The following ANKEF1 variants were observed in gnomAD, a reference collection of about 807,000 sequenced individuals.
ANKEF1 encodes the protein ankyrin repeat and EF-hand domain containing 1, also known as ankyrin repeat and EF-hand domain-containing protein 1.
ANKEF1 carries 43 observed loss-of-function variants against 65.1 expected under a neutral mutation model. The ratio of observed to expected loss-of-function variants is 0.66; its 90% CI spans 0.52 to 0.85. The LOEUF is 0.85. Among genes scored for constraint, ANKEF1 ranks in the 40% least tolerant of loss-of-function variants. The pLI, the probability that ANKEF1 is intolerant of heterozygous loss-of-function variation, is 0.00. For missense variants in ANKEF1, 934 were observed against 952.9 expected, an observed-to-expected ratio of 0.98 and a Z score of 0.26; for synonymous variants, 316 against 341.5, an observed-to-expected ratio of 0.93 and a Z score of 0.82.
Position 10,051,759 on chromosome 20 carries a change from T to C in ANKEF1, c.1740T>C (p.Ser580=), listed in dbSNP as rs1600523624. The change falls in exon 8 of 11, where the codon TCT becomes TCC. Residue 580 remains serine (S), a synonymous_variant. Transcript: ENST00000378392. ...ACATTGTTGAGCTTCTTGTTGAATC[T>C]GGAGCTTTAATAGATGCAGCTTCAA... ...QQDIVELLVE[S]GALIDAASIN... 1 of 1,613,886 alleles carries C rather than the reference T, an allele frequency of 6.2e-7. No individual in the cohort carries two copies. The highest frequency in any genetic ancestry group is 8.5e-7 in the Non-Finnish European group (1 of 1,179,872).
chr20:10,048,006 C>T (rs568412149), intron 6 of ANKEF1, among the ~76,000 whole-genome samples: 2 of 152,144 alleles, frequency 1.3e-5, no homozygotes, highest in African/African-American at 4.8e-5. Flanking sequence ...CAAAACCCCC[C>T]AGACACCCTG....
intron 2 of ANKEF1, among the ~76,000 whole-genome samples, chr20:10,036,383 A>G (rs1336750140): frequency 1.3e-5 from 2 of 149,970 alleles, no homozygotes; most frequent in Non-Finnish European, 2.9e-5. Context: ...ATACATATGC[A>G]GTATGATGAC....
At chr20:10,040,930 CTT>C (rs1242728687) in intron 3 of ANKEF1, among the ~76,000 whole-genome samples, 2 of 150,280 alleles carry the variant, frequency 1.3e-5, no homozygotes, top group East Asian at 3.9e-4. Context: ...TTGACTTTCT[CTT>C]TTCAATAATA....
intron 2 of ANKEF1, among the ~76,000 whole-genome samples, chr20:10,037,400 C>G (rs1486412927): frequency 1.3e-5 from 2 of 152,164 alleles, no homozygotes; most frequent in East Asian, 1.9e-4. Flanking sequence ...CCTCATAGTT[C>G]TGGATGATGG....
chr20:10,058,185 C>T lies in ANKEF1; in HGVS notation c.*2525C>T, dbSNP rs1286199888. ...TAACTGCATAAAATTAACTGTAGTA[C>T]ATACTGTACAACTGTAATAATTTCA... is the stretch of plus-strand genomic sequence containing the variant. On this transcript the variant is annotated 3_prime_UTR_variant, in exon 11 of 11. Coordinates refer to ENST00000378392, the MANE Select transcript of ANKEF1 (RefSeq NM_022096.6). 1 of 152,178 alleles carries T rather than the reference C, an allele frequency of 6.6e-6. No individual in the cohort carries two copies. The highest frequency in any genetic ancestry group is 1.5e-5 in the Non-Finnish European group (1 of 68,026). The allele number at this position is 152,178 out of a possible 1,614,324, so 9.4% of individuals were successfully genotyped here. A position where few individuals can be genotyped will look rare whatever the true frequency, so the allele number is the denominator to read the frequency against.
intron 2 of ANKEF1, among the ~76,000 whole-genome samples, 166 bp downstream of exon 2, chr20:10,035,808 C>A (rs918300310): frequency 6.6e-6 from 1 of 152,210 alleles, no homozygotes; most frequent in African/African-American, 2.4e-5. Context: ...CACAGCCCCC[C>A]TTTGAGAGTT....
intron 4 of ANKEF1, 58 bp downstream of exon 4, chr20:10,043,379 C>A: frequency 6.7e-7 from 1 of 1,499,930 alleles, no homozygotes; most frequent in Non-Finnish European, 9.2e-7. Context: ...ATAGTATAAT[C>A]TTTTCATTTA....
At chr20:10,037,640 A>C (rs966693477) in intron 2 of ANKEF1, among the ~76,000 whole-genome samples, 1 of 152,154 alleles carries the variant, frequency 6.6e-6, no homozygotes, top group Non-Finnish European at 1.5e-5. Flanking sequence ...ATGGCCTGCT[A>C]CTCAATCCAA....
intron 2 of ANKEF1, among the ~76,000 whole-genome samples, chr20:10,036,240 G>C (rs538853306): frequency 6.6e-6 from 1 of 152,220 alleles, no homozygotes; most frequent in Non-Finnish European, 1.5e-5. Flanking sequence ...TTCTCCGTTA[G>C]AGATGGGTGC....
At chr20:10,039,759 A>C (rs950631443) in intron 3 of ANKEF1, among the ~76,000 whole-genome samples, 2 of 152,196 alleles carry the variant, frequency 1.3e-5, no homozygotes, top group African/African-American at 4.8e-5. Flanking sequence ...CCACGGTCGC[A>C]TTCATTAGAG....
Position 10,044,503 on chromosome 20 carries a change from A to G in ANKEF1, c.656A>G (p.His219Arg), listed in dbSNP as rs1216082002. 3.7e-6 allele frequency: 6 copies of G among 1,614,162 alleles called. No individual in the cohort carries two copies. The highest frequency in any genetic ancestry group is 3.3e-5 in the South Asian group (3 of 91,082). ...GTGAATGCATTTGACAACGACAGGC[A>G]TCACGCTGCTCATTTTGCTGCTAAA... ...GEVNAFDNDR[H>R]HAAHFAAKGG... The change falls in exon 5 of 11, where the codon CAT becomes CGT. Residue 219 changes from histidine to arginine, a missense_variant. Physicochemically the swap from His to Arg is conservative, Grantham distance 29 (BLOSUM62 0). Transcript: ENST00000378392.
In ANKEF1 at chr20:10,055,564, G is replaced by A. The variant is rs960602734; in HGVS notation, c.2235G>A (p.Arg745=). Residue 745 remains arginine, a synonymous_variant, in exon 11 of 11, where the codon AGG becomes AGA. Transcript: ENST00000378392. The part of the protein sequence containing the change: ...LIRKRELRRE[R]FTHEVDFDDF... ...GGAAGAGGGAACTACGGCGAGAGAG[G>A]TTTACACATGAGGTGGACTTCGACG... 2 of 1,613,794 alleles carry A rather than the reference G, an allele frequency of 1.2e-6. No homozygotes were observed. The highest frequency in any genetic ancestry group is 1.7e-6 in the Non-Finnish European group (2 of 1,179,808).
Position 10,035,225 on chromosome 20 carries a change from G to T in ANKEF1, c.-217G>T, listed in dbSNP as rs1353673241. ...GGAGCCCAAGGTCGCGGCTGGGCCA[G>T]CGCTGAGCGTCAGAGGACGAGAGCA... is the stretch of plus-strand genomic sequence containing the variant. On this transcript the variant is annotated 5_prime_UTR_variant, in exon 1 of 11. Coordinates refer to ENST00000378392, the MANE Select transcript of ANKEF1 (RefSeq NM_022096.6). The T allele has an allele frequency of 2.6e-5, 4 of 152,520 alleles. No individual in the cohort carries two copies. Among genetic ancestry groups the T allele is most frequent in the Admixed American group, 6.5e-5 (1 of 15,314 alleles). 9.4% of individuals were successfully genotyped at this position (152,520 alleles called of 1,614,324 possible).
intron 3 of ANKEF1, among the ~76,000 whole-genome samples, chr20:10,038,898 T>C (rs1984021883): frequency 6.6e-6 from 1 of 152,252 alleles, no homozygotes; most frequent in South Asian, 2.1e-4. Flanking sequence ...GGTGGTTTCT[T>C]TTAAATGAGG....
chr20:10,041,318 A>C (rs1465263632), intron 3 of ANKEF1, among the ~76,000 whole-genome samples: 4 of 151,116 alleles, frequency 2.6e-5, no homozygotes, highest in African/African-American at 9.7e-5. Context: ...TAGTTATTTT[A>C]ATGGTTAACT....
At chr20:10,037,314 T>C (rs1308741824) in intron 2 of ANKEF1, among the ~76,000 whole-genome samples, 1 of 152,156 alleles carries the variant, frequency 6.6e-6, no homozygotes, top group Non-Finnish European at 1.5e-5. Flanking sequence ...ATGGACTCTC[T>C]CTGTGGCACC....
intron 3 of ANKEF1, among the ~76,000 whole-genome samples, chr20:10,038,952 T>A (rs893847928): frequency 1.3e-5 from 2 of 152,240 alleles, no homozygotes; most frequent in African/African-American, 4.8e-5. Context: ...TTATAAATTA[T>A]AAACTCTTCT....
chr20:10,038,588 C>G lies in ANKEF1; in HGVS notation c.287C>G (p.Ser96Ter), dbSNP rs1176281523. 1 of 1,613,938 alleles carries G rather than the reference C, an allele frequency of 6.2e-7. No homozygotes were observed. The highest frequency in any genetic ancestry group is 2.2e-5 in the East Asian group (1 of 44,878). Reference protein sequence around the residue: ...MRAAELGHELSMEILAKAKAD... With the variant: ...MRAAELGHEL ...GCTGCAGAACTGGGCCATGAATTGTCAATGGAAATATTAGCAAAGGCAAAG... is the reference window on the plus strand; with the variant it reads ...GCTGCAGAACTGGGCCATGAATTGTGAATGGAAATATTAGCAAAGGCAAAG... Residue 96 changes from serine to a stop codon, truncating the protein, a stop_gained, in exon 3 of 11, where the codon TCA becomes TGA. Coordinates refer to ENST00000378392, the MANE Select transcript of ANKEF1 (RefSeq NM_022096.6). LOFTEE classifies it high-confidence loss of function.
chr20:10,044,625 A>T, intron 5 of ANKEF1, 82 bp downstream of exon 5: 1 of 1,411,202 alleles, frequency 7.1e-7, no homozygotes. Context: ...TGTCATATAG[A>T]GTACGCTAAG....
Sources: gnomAD v4.1 joint callset for allele counts (sites outside exome capture counted in the v4.1 genomes callset) on GRCh38, gnomAD v4.1.1 for gene constraint, MANE v1.5 for transcripts, NCBI Gene and HGNC (gene_info 2026-07-23, HGNC 2026-07-21) for gene names.